CCDC170: variants seen among roughly 807,000 people sequenced by gnomAD.
CCDC170 encodes coiled-coil domain-containing protein 170.
In CCDC170, 69 loss-of-function variants were observed where a neutral mutation model predicts 72.6. That is an observed-to-expected ratio of 0.95 (90% confidence interval 0.78 to 1.16). The LOEUF (loss-of-function observed/expected upper bound fraction) is 1.16, where lower values mean the gene tolerates loss of function less well. Among genes scored for constraint, CCDC170 ranks in the 50% most tolerant of loss-of-function variants. CCDC170 has a pLI of 0.00. For missense variants in CCDC170, 852 were observed against 832.5 expected (o/e 1.02, Z -0.29); for synonymous variants, 300 against 303.9 (o/e 0.99, Z 0.13).
At position 151,618,369 on chromosome 6, in the gene CCDC170, C is replaced by CAGA; in HGVS notation, c.*227_*229dup. 1 of 524,216 alleles carries CAGA rather than the reference C, an allele frequency of 1.9e-6. No individual in the cohort carries two copies. Among genetic ancestry groups the CAGA allele is most frequent in the Non-Finnish European group, 3.4e-6 (1 of 295,890 alleles). 32.5% of individuals were successfully genotyped at this position (524,216 alleles called of 1,614,324 possible). A position where few individuals can be genotyped will look rare whatever the true frequency, so the allele number is the denominator to read the frequency against. ...TTTCATTTACTAGCATTTTAGGATC[C>CAGA]AGAAGAATTCCACCAGATTGCATGA... On this transcript the variant is annotated 3_prime_UTR_variant, in exon 11 of 11. Transcript: ENST00000239374.
intron 4 of CCDC170, among the ~76,000 whole-genome samples, chr6:151,545,145 C>A (rs949068715): frequency 1.1e-4 from 17 of 152,088 alleles, no homozygotes; most frequent in Non-Finnish European, 1.8e-4. Context: ...AGTGGCTGGG[C>A]GCGGTGACTC....
chr6:151,527,476 G>A (rs6557143), intron 1 of CCDC170, among the ~76,000 whole-genome samples: 76,743 of 151,996 alleles, frequency 0.5, 20,558 homozygotes, highest in Non-Finnish European at 0.6. Context: ...GTCCTCCCAA[G>A]TGGGGAGAAT....
rs146369447 is a variant in CCDC170 at position 151,532,032 on chromosome 6, G to T, written c.58-4286G>T. On this transcript the variant is annotated intron_variant, in intron 1 of 10. Transcript: ENST00000239374. ...ACATCCAAACCATATCAAATGTTCT[G>T]GGGTTATTAACCAATGCAATTAGTC... 2.5e-3 allele frequency among the ~76,000 whole-genome samples: 384 copies of T among 152,208 alleles called. 3 individuals are homozygous for T. Among genetic ancestry groups the T allele is most frequent in the Middle Eastern group, 0.02 (6 of 294 alleles).
intron 1 of CCDC170, among the ~76,000 whole-genome samples, chr6:151,498,679 T>G (rs558930362): frequency 3.1e-4 from 47 of 151,300 alleles, no homozygotes; most frequent in Non-Finnish European, 5.9e-4. Context: ...ATTCTAGGCA[T>G]GCTGTATAAG....
intron 1 of CCDC170, among the ~76,000 whole-genome samples, chr6:151,524,929 CTTTTTTTTT>C (rs34288029): frequency 9.1e-6 from 1 of 110,042 alleles, no homozygotes; most frequent in African/African-American, 3.7e-5. Context: ...TAGTCTGATT[CTTTTTTTTT>C]TTTTTTTTTT....
intron 1 of CCDC170, among the ~76,000 whole-genome samples, chr6:151,506,351 C>T (rs377531691): frequency 3.9e-5 from 6 of 152,294 alleles, no homozygotes; most frequent in South Asian, 2.1e-4. Context: ...TAGTAATTAA[C>T]CAACTATTTA....
At chr6:151,601,215 C>T (rs1776703902) in intron 9 of CCDC170, among the ~76,000 whole-genome samples, 1 of 152,094 alleles carries the variant, frequency 6.6e-6, no homozygotes. Flanking sequence ...CTTATAAAAC[C>T]ATCAGATCTT....
chr6:151,573,782 T>A (rs1378252054), intron 6 of CCDC170, among the ~76,000 whole-genome samples: 5 of 151,942 alleles, frequency 3.3e-5, no homozygotes, highest in Non-Finnish European at 7.4e-5. Flanking sequence ...CTCCTGAGAG[T>A]TATTCTCTAT....
chr6:151,557,815 C>A (rs771862521), intron 5 of CCDC170, among the ~76,000 whole-genome samples: 67 of 152,134 alleles, frequency 4.4e-4, no homozygotes, highest in Non-Finnish European at 8.4e-4. Context: ...TGATGTTGAG[C>A]ATTTTAAAAA....
At chr6:151,574,760 G>T (rs565921623) in intron 6 of CCDC170, among the ~76,000 whole-genome samples, 22 of 152,156 alleles carry the variant, frequency 1.4e-4, no homozygotes, top group African/African-American at 4.3e-4. Flanking sequence ...ACAGATAAAA[G>T]TTCCCAGACC....
chr6:151,609,968 T>C (rs1776844203), intron 9 of CCDC170, among the ~76,000 whole-genome samples: 1 of 152,252 alleles, frequency 6.6e-6, no homozygotes, highest in Admixed American at 6.5e-5. Context: ...TCACCTTTGG[T>C]AGATAGCCCA....
At chr6:151,532,555 C>T (rs574026662) in intron 1 of CCDC170, among the ~76,000 whole-genome samples, 179 of 150,240 alleles carry the variant, frequency 1.2e-3, no homozygotes, top group Non-Finnish European at 2.0e-3. Flanking sequence ...TGCAGTGAGC[C>T]GAAATTACGT....
At chr6:151,601,739 C>T (rs536069787) in intron 9 of CCDC170, among the ~76,000 whole-genome samples, 2 of 152,242 alleles carry the variant, frequency 1.3e-5, no homozygotes, top group Admixed American at 6.5e-5. Context: ...GCAGATTATC[C>T]TTGTGTTGAG....
chr6:151,556,561 A>G (rs544383036), intron 5 of CCDC170, among the ~76,000 whole-genome samples: 1 of 152,356 alleles, frequency 6.6e-6, no homozygotes, highest in African/African-American at 2.4e-5. Flanking sequence ...TTCTGCTATG[A>G]AATATGAAGA....
At chr6:151,528,269 T>A (rs1011517969) in intron 1 of CCDC170, among the ~76,000 whole-genome samples, 1 of 152,040 alleles carries the variant, frequency 6.6e-6, no homozygotes, top group Non-Finnish European at 1.5e-5. Context: ...AGGGGAAAAA[T>A]TTTTTTAAGG....
intron 10 of CCDC170, 101 bp from the exon 11 acceptor site, chr6:151,617,846 A>G: frequency 8.8e-7 from 1 of 1,139,276 alleles, no homozygotes; most frequent in Non-Finnish European, 1.2e-6. Context: ...TACCTCATGC[A>G]AACCTGGGTT....
chr6:151,515,016 G>A (rs1305234521), intron 1 of CCDC170, among the ~76,000 whole-genome samples: 1 of 152,212 alleles, frequency 6.6e-6, no homozygotes, highest in Non-Finnish European at 1.5e-5. Context: ...AAGGTGATGA[G>A]GAATGCACTC....
At chr6:151,577,724 G>A (rs1776323769) in intron 6 of CCDC170, among the ~76,000 whole-genome samples, 2 of 152,222 alleles carry the variant, frequency 1.3e-5, no homozygotes, top group African/African-American at 4.8e-5. Context: ...TGCACAGGAG[G>A]AGGTGAGCGG....
intron 1 of CCDC170, among the ~76,000 whole-genome samples, chr6:151,527,007 C>T (rs1367929218): frequency 6.6e-6 from 1 of 151,378 alleles, no homozygotes; most frequent in East Asian, 1.9e-4. Flanking sequence ...GCCTCAGCCT[C>T]CTGAGTAGCT....
Sources: allele counts gnomAD v4.1 joint callset (sites outside exome capture counted in the v4.1 genomes callset), GRCh38; gene constraint gnomAD v4.1.1; transcripts MANE v1.5; gene names NCBI Gene and HGNC (gene_info 2026-07-23, HGNC 2026-07-21).